SH3GL3: variants seen among roughly 807,000 people sequenced by gnomAD.
The protein encoded by SH3GL3 is SH3 domain containing GRB2 like 3, endophilin A3, also known as endophilin-A3.
In SH3GL3, 33 loss-of-function variants were observed where a neutral mutation model predicts 47.7. The ratio of observed to expected loss-of-function variants is 0.69; its 90% CI spans 0.52 to 0.92. The LOEUF (loss-of-function observed/expected upper bound fraction) is 0.92, where lower values mean the gene tolerates loss of function less well. Among genes scored for constraint, SH3GL3 ranks in the 40% least tolerant of loss-of-function variants. The pLI, the probability that SH3GL3 is intolerant of heterozygous loss-of-function variation, is 0.00. For synonymous variants in SH3GL3, 155 were observed against 148.8 expected (o/e 1.04, Z -0.30); for missense variants, 363 against 417.8 (o/e 0.87, Z 1.14).
intron 1 of SH3GL3, among the ~76,000 whole-genome samples, chr15:83,533,670 G>T (rs2043779486): frequency 6.6e-6 from 1 of 152,192 alleles, no homozygotes; most frequent in Admixed American, 6.5e-5. Flanking sequence ...CACAGGGAGG[G>T]TGTGTGCTCC....
At chr15:83,631,250 G>A in the SH3GL3 span, among the ~76,000 whole-genome samples, 1 of 152,180 alleles carries the variant, frequency 6.6e-6, no homozygotes, top group Non-Finnish European at 1.5e-5. Context: ...ACCCCTCCTG[G>A]CTACTTTCAC....
chr15:83,550,833 G>A lies in SH3GL3; in HGVS notation c.46-8420G>A, dbSNP rs531004137. ...TTGTTTTACTTTGCCTGGCCCTTAG[G>A]TACATCCCATGGAGCTAGTGTTTTG... On this transcript the variant is annotated intron_variant, in intron 1 of 8. Transcript: ENST00000427482. 7.2e-4 allele frequency among the ~76,000 whole-genome samples: 109 copies of A among 152,164 alleles called. 6 individuals are homozygous for A. In the South Asian group the frequency reaches 0.02, roughly 27 times the overall value.
chr15:83,459,180 C>G (rs2040150810), intron 1 of SH3GL3, among the ~76,000 whole-genome samples: 1 of 152,232 alleles, frequency 6.6e-6, no homozygotes. Context: ...CTAGTCTTTC[C>G]ACATTCTTCT....
chr15:83,631,205 G>A, the SH3GL3 span, among the ~76,000 whole-genome samples: 3 of 152,186 alleles, frequency 2.0e-5, no homozygotes, highest in Non-Finnish European at 2.9e-5. Flanking sequence ...CCACAGCCTT[G>A]GGCAGCTCCA....
intron 1 of SH3GL3, among the ~76,000 whole-genome samples, chr15:83,482,156 T>C (rs942431832): frequency 1.3e-5 from 2 of 152,220 alleles, no homozygotes; most frequent in South Asian, 2.1e-4. Flanking sequence ...TTGCATTTCT[T>C]TTGTGAATTG....
chr15:83,617,276 G>GTCC (rs779745167), intron 8 of SH3GL3, among the ~76,000 whole-genome samples: 34 of 152,242 alleles, frequency 2.2e-4, no homozygotes, highest in Non-Finnish European at 3.5e-4. Context: ...CCCGGCCCTT[G>GTCC]TCCTGCCCAT....
chr15:83,605,151 G>A (rs1362418854), intron 8 of SH3GL3, among the ~76,000 whole-genome samples: 3 of 152,190 alleles, frequency 2.0e-5, no homozygotes, highest in African/African-American at 7.2e-5. Flanking sequence ...AGAAGGCTCA[G>A]TGTCCCATAT....
intron 3 of SH3GL3, among the ~76,000 whole-genome samples, chr15:83,566,490 A>T (rs17158824): frequency 0.029 from 4,411 of 152,072 alleles, 232 homozygotes; most frequent in African/African-American, 0.1. Flanking sequence ...AAAGTCCGGC[A>T]CTGGCCAGGC....
Position 83,588,748 on chromosome 15 carries a change from C to T in SH3GL3, c.815C>T (p.Thr272Ile), listed in dbSNP as rs2060015318. 1.2e-6 allele frequency: 2 copies of T among 1,603,940 alleles called. No homozygotes were observed. Among genetic ancestry groups the T allele is most frequent in the African/African-American group, 2.7e-5 (2 of 74,732 alleles). Residue 272 changes from threonine (T) to isoleucine (I), a missense_variant, in exon 8 of 9, where the codon ACC becomes ATC. By Grantham distance (89) the Thr-to-Ile change is moderately conservative. Transcript: ENST00000427482. ...TCTAGTGAGCTCAATGGAGTTTCCA[C>T]CACCTCTGTAGTGAAGACGACAGGT... ...RSSSELNGVS[T>I]TSVVKTTGSN...
chr15:83,629,063 A>T, the SH3GL3 span, among the ~76,000 whole-genome samples: 1 of 152,342 alleles, frequency 6.6e-6, no homozygotes, highest in Admixed American at 6.5e-5. Context: ...CAAGACTTTT[A>T]TACTGAAAAC....
At chr15:83,612,666 A>G (rs1468690421) in intron 8 of SH3GL3, among the ~76,000 whole-genome samples, 2 of 152,188 alleles carry the variant, frequency 1.3e-5, no homozygotes, top group Non-Finnish European at 2.9e-5. Context: ...GGTGGCATCC[A>G]AGGAGCATTT....
chr15:83,477,948 G>A (rs765548660), intron 1 of SH3GL3, among the ~76,000 whole-genome samples: 2 of 152,140 alleles, frequency 1.3e-5, no homozygotes, highest in Non-Finnish European at 2.9e-5. Flanking sequence ...GGTAAAAGAG[G>A]ATATAATCCA....
rs761674773 is a variant in SH3GL3, at chr15:83,572,545, A to G, written c.332-20A>G. On this transcript the variant is annotated intron_variant, in intron 4 of 8. Transcript: ENST00000427482. ...GTAGTGTTCCCAAAGAACCTTTTGT[A>G]TTTATGTTTTCTATTCAAGGCAATG... 1.9e-5 allele frequency: 30 copies of G among 1,602,868 alleles called. No individual in the cohort carries two copies. Among genetic ancestry groups the G allele is most frequent in the Middle Eastern group, 3.3e-4 (2 of 6,028 alleles).
At chr15:83,527,842 T>C (rs2043494302) in intron 1 of SH3GL3, among the ~76,000 whole-genome samples, 1 of 152,172 alleles carries the variant, frequency 6.6e-6, no homozygotes, top group African/African-American at 2.4e-5. Flanking sequence ...AGTGGTAACA[T>C]TTGAATCTCT....
At chr15:83,496,875 C>G (rs1325265725) in intron 1 of SH3GL3, among the ~76,000 whole-genome samples, 1 of 152,128 alleles carries the variant, frequency 6.6e-6, no homozygotes, top group Non-Finnish European at 1.5e-5. Context: ...TGTTGAGAGG[C>G]CTGGCTCTTT....
chr15:83,540,443 G>A (rs972378129), intron 1 of SH3GL3, among the ~76,000 whole-genome samples: 1 of 152,076 alleles, frequency 6.6e-6, no homozygotes, highest in Admixed American at 6.5e-5. Flanking sequence ...TATACATCGT[G>A]AGGCTGTGTT....
chr15:83,558,998 C>G (rs978285081), intron 1 of SH3GL3, among the ~76,000 whole-genome samples: 1 of 152,172 alleles, frequency 6.6e-6, no homozygotes, highest in Non-Finnish European at 1.5e-5. Flanking sequence ...TCTCTCTTGT[C>G]TATGTCCTAC....
chr15:83,544,144 A>G (rs990465638), intron 1 of SH3GL3, among the ~76,000 whole-genome samples: 3 of 151,766 alleles, frequency 2.0e-5, no homozygotes, highest in African/African-American at 7.3e-5. Context: ...GTAGGGGCTT[A>G]TTGCTATAAA....
chr15:83,527,710 A>C (rs2043486791), intron 1 of SH3GL3, among the ~76,000 whole-genome samples: 3 of 152,142 alleles, frequency 2.0e-5, no homozygotes, highest in Admixed American at 6.5e-5. Flanking sequence ...TTTACTTTCA[A>C]GGTTATTATT....
Sources: allele counts gnomAD v4.1 joint callset (sites outside exome capture counted in the v4.1 genomes callset), GRCh38; gene constraint gnomAD v4.1.1; transcripts MANE v1.5; gene names NCBI Gene and HGNC (gene_info 2026-07-23, HGNC 2026-07-21).